The following ST3GAL1 variants were observed in gnomAD, a reference collection of about 807,000 sequenced individuals.
ST3GAL1 encodes the protein ST3 beta-galactoside alpha-2,3-sialyltransferase 1, also known as CMP-N-acetylneuraminate-beta-galactosamide-alpha-2,3-sialyltransferase 1.
In ST3GAL1, 16 loss-of-function variants were observed where a neutral mutation model predicts 34.1. The ratio of observed to expected loss-of-function variants is 0.47; its 90% CI spans 0.32 to 0.71. The LOEUF is 0.71. ST3GAL1 is among the 30% of genes least tolerant of loss of function. The pLI, the probability that ST3GAL1 is intolerant of heterozygous loss-of-function variation, is 0.04. For missense variants in ST3GAL1, 353 were observed against 447.4 expected (o/e 0.79, Z 1.90); for synonymous variants, 191 against 184.7 (o/e 1.03, Z -0.28).
intron 1 of ST3GAL1, among the ~76,000 whole-genome samples, chr8:133,562,209 CTTTT>C (rs35234056): frequency 4.4e-5 from 5 of 113,266 alleles, no homozygotes; most frequent in Admixed American, 1.9e-4. Context: ...GAATCCACAT[CTTTT>C]TTTTTTTTTT....
chr8:133,485,441 T>C (rs1474519115), intron 3 of ST3GAL1, among the ~76,000 whole-genome samples: 2 of 152,220 alleles, frequency 1.3e-5, no homozygotes, highest in Non-Finnish European at 2.9e-5. Context: ...ACCTGAAGCA[T>C]TGCAGCCCAA....
intron 2 of ST3GAL1, among the ~76,000 whole-genome samples, chr8:133,510,425 G>C (rs1173868350): frequency 6.6e-6 from 1 of 152,220 alleles, no homozygotes; most frequent in East Asian, 1.9e-4. Flanking sequence ...CTGAGGCAGA[G>C]TGAGCTTTCA....
chr8:133,565,659 A>G (rs926668680), intron 1 of ST3GAL1, among the ~76,000 whole-genome samples: 6 of 152,234 alleles, frequency 3.9e-5, no homozygotes, highest in Non-Finnish European at 8.8e-5. Context: ...TAAAAAGTAG[A>G]TGCTACTAAA....
intron 3 of ST3GAL1, among the ~76,000 whole-genome samples, chr8:133,480,396 C>CG (rs1816336040): frequency 1.3e-5 from 2 of 152,166 alleles, no homozygotes. Context: ...AGGAACCACA[C>CG]GGGGTTTTGA....
intron 1 of ST3GAL1, among the ~76,000 whole-genome samples, chr8:133,554,415 A>G (rs1337271745): frequency 1.3e-5 from 2 of 152,100 alleles, no homozygotes; most frequent in African/African-American, 4.8e-5. Context: ...CCAAAATCCT[A>G]CACTCGACAG....
chr8:133,542,779 CAA>C (rs35321251), intron 2 of ST3GAL1, among the ~76,000 whole-genome samples: 2,829 of 85,556 alleles, frequency 0.033, 82 homozygotes, highest in East Asian at 0.23. Flanking sequence ...TCCTCCATCT[CAA>C]AAAAAAAAAA....
chr8:133,538,787 A>G (rs1397192098), intron 2 of ST3GAL1, among the ~76,000 whole-genome samples: 1 of 152,208 alleles, frequency 6.6e-6, no homozygotes, highest in African/African-American at 2.4e-5. Context: ...TAATCTTGAC[A>G]TTGCAGGTAT....
chr8:133,543,693 T>C (rs1407741577), intron 2 of ST3GAL1, among the ~76,000 whole-genome samples: 1 of 152,064 alleles, frequency 6.6e-6, no homozygotes, highest in Non-Finnish European at 1.5e-5. Flanking sequence ...TGCCAATAAT[T>C]TAAAGCTATA....
At chr8:133,531,179 T>G (rs1232076739) in intron 2 of ST3GAL1, among the ~76,000 whole-genome samples, 1 of 151,566 alleles carries the variant, frequency 6.6e-6, no homozygotes, top group Non-Finnish European at 1.5e-5. Flanking sequence ...TTTGCTATAG[T>G]AACATTTGTG....
At chr8:133,488,969 G>C (rs562426752) in intron 3 of ST3GAL1, among the ~76,000 whole-genome samples, 1 of 152,148 alleles carries the variant, frequency 6.6e-6, no homozygotes, top group Non-Finnish European at 1.5e-5. Context: ...GAGGGAACTG[G>C]GGACAGGCAG....
rs930103669 is a variant in ST3GAL1, at chr8:133,570,530, C to T, written c.-582+1163G>A. On this transcript the variant is annotated intron_variant, in intron 1 of 9. Coordinates refer to ENST00000522652, the MANE Select transcript of ST3GAL1 (RefSeq NM_173344.3). The surrounding 1 kb of genome is among the most constrained non-coding windows in gnomAD (Gnocchi z 5.6). ...AGGACCCTAGCGTAGGAGGGAGGAG[C>T]GAGTCAGGGCTCCAGCTGACGAGCA... Among the ~76,000 whole-genome samples the T allele has an allele frequency of 6.6e-6, 1 of 152,022 alleles. No homozygotes were observed. Among genetic ancestry groups the T allele is most frequent in the African/African-American group, 2.4e-5 (1 of 41,396 alleles).
rs140025948 is a variant in ST3GAL1, at chr8:133,525,489, C to T, written c.-429+20285G>A. Among the ~76,000 whole-genome samples the T allele has an allele frequency of 1.4e-3, 219 of 152,298 alleles. 2 individuals are homozygous for T. Among genetic ancestry groups the T allele is most frequent in the African/African-American group, 4.8e-3 (201 of 41,560 alleles). ...CCCCCTGGAACTGGCAGCCTGGCCCCCAGGCTTCAGGCTGTCCCTGGGTTG... is the reference window on the plus strand; with the variant it reads ...CCCCCTGGAACTGGCAGCCTGGCCCTCAGGCTTCAGGCTGTCCCTGGGTTG... On this transcript the variant is annotated intron_variant, in intron 2 of 9. Transcript: ENST00000522652.
intron 2 of ST3GAL1, among the ~76,000 whole-genome samples, chr8:133,503,478 C>A (rs1406969602): frequency 5.3e-5 from 8 of 152,162 alleles, no homozygotes; most frequent in East Asian, 3.9e-4. Flanking sequence ...CCCATCTCCG[C>A]CACCCCTCCT....
chr8:133,463,433 A>G lies in ST3GAL1; in HGVS notation c.710T>C (p.Ile237Thr), dbSNP rs765580359. The change falls in exon 8 of 10, where the codon ATC becomes ACC. Residue 237 changes from isoleucine to threonine, a missense_variant. Physicochemically the swap from Ile to Thr is moderately conservative, Grantham distance 89. Transcript: ENST00000522652. ...SHTYIPVPAK[I>T]RVKQDKILIY... is the part of the protein sequence containing the mutation. Reference sequence around the variant, plus strand: ...ACTCACCTTATCCTGTTTCACTCTGATCTTTGCAGGAACCGGGATGTAGGT... The same window carrying G: ...ACTCACCTTATCCTGTTTCACTCTGGTCTTTGCAGGAACCGGGATGTAGGT... 1.9e-6 allele frequency: 3 copies of G among 1,613,930 alleles called. No homozygotes were observed. In the Admixed American group the frequency reaches 5.0e-5, roughly 27 times the overall value.
intron 2 of ST3GAL1, among the ~76,000 whole-genome samples, chr8:133,521,751 C>T (rs896299712): frequency 6.6e-6 from 1 of 152,064 alleles, no homozygotes; most frequent in African/African-American, 2.4e-5. Context: ...TTAAATAACA[C>T]GGAGGAATAT....
rs183729583 is a variant in ST3GAL1 at position 133,557,709 on chromosome 8, G to A, written c.-581-11783C>T. On this transcript the variant is annotated intron_variant, in intron 1 of 9. Coordinates refer to ENST00000522652, the MANE Select transcript of ST3GAL1 (RefSeq NM_173344.3). ...CTAAAAATACAAAAATTAGCCAGGC[G>A]TGGTGGCGCGTGCCTGTAATCCCAG... 8.7e-4 allele frequency among the ~76,000 whole-genome samples: 132 copies of A among 152,212 alleles called. No homozygotes were observed. The East Asian group carries it at 0.022, about 25-fold the overall frequency.
In ST3GAL1 at chr8:133,571,092, G is replaced by A. The variant is rs1223351085; in HGVS notation, c.-582+601C>T. Among the ~76,000 whole-genome samples, 1 of 152,200 alleles carries A rather than the reference G, an allele frequency of 6.6e-6. No homozygotes were observed. Among genetic ancestry groups the A allele is most frequent in the Non-Finnish European group, 1.5e-5 (1 of 68,024 alleles). ...AGCGCGCTCTGACGGCGTCCCCGGG[G>A]CCGATAGCCACCTCCCGGATCTGCG... On this transcript the variant is annotated intron_variant, in intron 1 of 9. Coordinates refer to ENST00000522652, the MANE Select transcript of ST3GAL1 (RefSeq NM_173344.3). This position sits in a 1 kb window ranked among gnomAD's most constrained non-coding sequence, Gnocchi z 6.7.
At chr8:133,480,049 G>A (rs575319569) in intron 3 of ST3GAL1, among the ~76,000 whole-genome samples, 161 of 152,258 alleles carry the variant, frequency 1.1e-3, no homozygotes, top group African/African-American at 3.6e-3. Context: ...TCAAGTGTGC[G>A]GTGAGGGAGG....
In ST3GAL1 at chr8:133,536,774, C is replaced by G. The variant is rs888983697; in HGVS notation, c.-429+9000G>C. Among the ~76,000 whole-genome samples the G allele has an allele frequency of 3.9e-5, 6 of 152,188 alleles. No individual in the cohort carries two copies. In the East Asian group the frequency reaches 7.7e-4, roughly 19 times the overall value. ...TTTGAGTCCTCGTGTCATTTGAGTC[C>G]TCACAGAACTCTCCCAAGTGGGTAC... is the stretch of plus-strand genomic sequence containing the variant. On this transcript the variant is annotated intron_variant, in intron 2 of 9. Transcript: ENST00000522652.
Sources: gnomAD v4.1 joint callset for allele counts (sites outside exome capture counted in the v4.1 genomes callset) on GRCh38, gnomAD v4.1.1 for gene constraint, Gnocchi (gnomAD v3.1) non-coding constraint, MANE v1.5 for transcripts, NCBI Gene and HGNC (gene_info 2026-07-23, HGNC 2026-07-21) for gene names.